Variants in PHLPP2 observed in about 807,000 individuals in gnomAD.
The protein encoded by PHLPP2 is PH domain and leucine rich repeat protein phosphatase 2, also known as PH domain leucine-rich repeat-containing protein phosphatase 2.
Under a neutral mutation model 124.9 loss-of-function variants are expected in PHLPP2, and 66 were observed. The ratio of observed to expected loss-of-function variants is 0.53; its 90% confidence interval spans 0.43 to 0.65. The LOEUF (loss-of-function observed/expected upper bound fraction) is 0.65. PHLPP2 is among the 30% of genes least tolerant of loss of function. The pLI is 0.00. For missense variants in PHLPP2, 1,685 were observed against 1,600.4 expected (o/e 1.05, Z -0.90); for synonymous variants, 681 against 624.7 (o/e 1.09, Z -1.34).
intron 14 of PHLPP2, 51 bp downstream of exon 14, chr16:71,658,602 C>A: frequency 6.5e-7 from 1 of 1,543,128 alleles, no homozygotes; most frequent in Non-Finnish European, 8.9e-7. Context: ...ATGTCATTCA[C>A]TCTCCTGCCA....
At chr16:71,678,671 G>T in intron 8 of PHLPP2, 84 bp downstream of exon 8, 2 of 801,806 alleles carry the variant, frequency 2.5e-6, no homozygotes, top group Non-Finnish European at 2.1e-6. Context: ...AAACCCTAAT[G>T]TTTTAAACAA....
chr16:71,684,475 C>T lies in PHLPP2; in HGVS notation c.735+1G>A, dbSNP rs1368913065. On this transcript the variant is annotated splice_donor_variant, in intron 5 of 18. Transcript: ENST00000568954. LOFTEE classifies it high-confidence loss of function. ...CATCAGAACATCCCATTACTTTTCACCTTGGATGCTTGCCGTTGCCATCGC... is the reference window on the plus strand; with the variant it reads ...CATCAGAACATCCCATTACTTTTCATCTTGGATGCTTGCCGTTGCCATCGC... The T allele has an allele frequency of 1.9e-6, 3 of 1,613,870 alleles. No individual in the cohort carries two copies. Among genetic ancestry groups the T allele is most frequent in the Non-Finnish European group, 2.5e-6 (3 of 1,179,900 alleles).
intron 18 of PHLPP2, among the ~76,000 whole-genome samples, chr16:71,652,524 T>C (rs927222956): frequency 6.6e-6 from 1 of 152,238 alleles, no homozygotes. Flanking sequence ...ATATTTAACA[T>C]CCATCTTACA....
At chr16:71,707,524 G>C (rs953811736) in intron 2 of PHLPP2, among the ~76,000 whole-genome samples, 1 of 152,066 alleles carries the variant, frequency 6.6e-6, no homozygotes, top group African/African-American at 2.4e-5. Context: ...AAGCACAGGG[G>C]GCTGGAGACT....
chr16:71,684,764 T>G (rs900708203), intron 4 of PHLPP2, 163 bp from the exon 5 acceptor site: 1 of 597,896 alleles, frequency 1.7e-6, no homozygotes, highest in East Asian at 3.0e-5. Context: ...GGGTCACACA[T>G]GAACACACCC....
chr16:71,706,200 C>A (rs996371015), intron 2 of PHLPP2, among the ~76,000 whole-genome samples: 4 of 152,208 alleles, frequency 2.6e-5, no homozygotes, highest in African/African-American at 7.2e-5. Context: ...GCTTCAAATG[C>A]TTGTGAGACC....
chr16:71,655,020 G>C, intron 17 of PHLPP2: 1 of 494,802 alleles, frequency 2.0e-6, no homozygotes, highest in Non-Finnish European at 3.6e-6. Context: ...ATCCTCAGCA[G>C]CCTTTGGATT....
chr16:71,676,750 G>T, intron 8 of PHLPP2, 101 bp from the exon 9 acceptor site: 1 of 861,346 alleles, frequency 1.2e-6, no homozygotes, highest in Admixed American at 2.4e-5. Flanking sequence ...CCCTTTCTCT[G>T]TTTACTTTTT....
intron 3 of PHLPP2, chr16:71,698,674 G>A: frequency 3.9e-6 from 2 of 515,430 alleles, no homozygotes; most frequent in Non-Finnish European, 3.7e-6. Context: ...CCTGAGGAAA[G>A]GAACTCAGTT....
chr16:71,694,070 T>C (rs2045142226), intron 3 of PHLPP2, among the ~76,000 whole-genome samples: 1 of 152,128 alleles, frequency 6.6e-6, no homozygotes, highest in Admixed American at 6.5e-5. Context: ...AGCAGGCACC[T>C]GTAATCTCAG....
chr16:71,691,480 T>C (rs1263826687), intron 3 of PHLPP2, among the ~76,000 whole-genome samples: 1 of 99,812 alleles, frequency 1.0e-5, no homozygotes, highest in African/African-American at 3.2e-5. Flanking sequence ...AATAAATAAA[T>C]AAATAAATAA....
chr16:71,718,579 C>CAA (rs71153657), intron 1 of PHLPP2, among the ~76,000 whole-genome samples: 19 of 114,200 alleles, frequency 1.7e-4, no homozygotes, highest in African/African-American at 3.3e-4. Context: ...GACTCTATCT[C>CAA]AAAAAAAAAA....
chr16:71,674,170 G>A (rs950799156), intron 9 of PHLPP2, among the ~76,000 whole-genome samples: 2 of 150,850 alleles, frequency 1.3e-5, no homozygotes, highest in African/African-American at 2.4e-5. Context: ...CTCCACCTCC[G>A]GGGTTCAAGC....
At chr16:71,660,372 CAAAAAAAA>C (rs1158155665) in intron 13 of PHLPP2, among the ~76,000 whole-genome samples, 1 of 26,992 alleles carries the variant, frequency 3.7e-5, no homozygotes, top group East Asian at 1.4e-3. Context: ...GACCTTGTCT[CAAAAAAAA>C]AAAAAAAAAA....
At chr16:71,674,429 T>A (rs566565505) in intron 9 of PHLPP2, among the ~76,000 whole-genome samples, 1 of 150,596 alleles carries the variant, frequency 6.6e-6, no homozygotes, top group African/African-American at 2.4e-5. Flanking sequence ...ATACCAAGAG[T>A]AAACATCATC....
intron 11 of PHLPP2, among the ~76,000 whole-genome samples, chr16:71,668,149 T>C (rs560663166): frequency 1.1e-4 from 16 of 151,468 alleles, no homozygotes; most frequent in Non-Finnish European, 1.9e-4. Context: ...TGGTGGCTCA[T>C]GCCTGTAATC....
At chr16:71,669,854 AAAT>A (rs1224084494) in intron 10 of PHLPP2, among the ~76,000 whole-genome samples, 2 of 152,242 alleles carry the variant, frequency 1.3e-5, no homozygotes, top group African/African-American at 2.4e-5. Flanking sequence ...ATGTGAGCTC[AAAT>A]AATTAGTAGA....
At chr16:71,687,653 T>C (rs1054543825) in intron 4 of PHLPP2, among the ~76,000 whole-genome samples, 4 of 152,188 alleles carry the variant, frequency 2.6e-5, no homozygotes, top group Non-Finnish European at 5.9e-5. Flanking sequence ...CTAATTTTAG[T>C]GGCTATTGTT....
intron 1 of PHLPP2, among the ~76,000 whole-genome samples, chr16:71,717,182 C>A (rs1323429575): frequency 6.6e-6 from 1 of 152,132 alleles, no homozygotes; most frequent in Non-Finnish European, 1.5e-5. Flanking sequence ...TAGTATTCCT[C>A]ATTGGAAAAT....
Sources: allele counts gnomAD v4.1 joint callset (sites outside exome capture counted in the v4.1 genomes callset), GRCh38; gene constraint gnomAD v4.1.1; transcripts MANE v1.5; gene names NCBI Gene and HGNC (gene_info 2026-07-23, HGNC 2026-07-21).